MYO19: variants seen among roughly 807,000 people sequenced by gnomAD.
MYO19 encodes the protein myosin XIX.
Under a neutral mutation model 129.2 loss-of-function variants are expected in MYO19, and 132 were observed. The ratio of observed to expected loss-of-function variants is 1.02; its 90% CI spans 0.89 to 1.18. The LOEUF is 1.18. Among genes scored for constraint, MYO19 ranks in the 50% most tolerant of loss-of-function variants. The pLI, the probability that MYO19 is intolerant of heterozygous loss-of-function variation, is 0.00. For synonymous variants in MYO19, 531 were observed against 477.2 expected (o/e 1.11, Z -1.47); for missense variants, 1,210 against 1,216.7 (o/e 0.99, Z 0.08).
At chr17:36,535,882 G>C (rs1253554510), upstream of MYO19, among the ~76,000 whole-genome samples, 1 of 151,502 alleles carries the variant, frequency 6.6e-6, no homozygotes, top group African/African-American at 2.4e-5. Flanking sequence ...CAAAGCGCTA[G>C]GATTGCAGGC....
In MYO19 at chr17:36,495,853, A is replaced by G. The variant is rs1012990234; in HGVS notation, c.*398T>C. 14 of 1,240,984 alleles carry G rather than the reference A, an allele frequency of 1.1e-5. No homozygotes were observed. The African/African-American group carries it at 2.0e-4, about 18-fold the overall frequency. The allele number at this position is 1,240,984 out of a possible 1,614,324, so 76.9% of individuals were successfully genotyped here. ...GTTCCTTTTTAAAGGAAATAACCACAAGATTTTTCCCAGCCCAAATTCCAG... is the reference window on the plus strand; with the variant it reads ...GTTCCTTTTTAAAGGAAATAACCACGAGATTTTTCCCAGCCCAAATTCCAG... On this transcript the variant is annotated 3_prime_UTR_variant, in exon 26 of 26. Coordinates refer to ENST00000614623, the MANE Select transcript of MYO19 (RefSeq NM_001163735.2).
At chr17:36,502,180 G>C (rs1480429467) in intron 21 of MYO19, among the ~76,000 whole-genome samples, 1 of 152,170 alleles carries the variant, frequency 6.6e-6, no homozygotes, top group African/African-American at 2.4e-5. Context: ...TCCTTGGCCT[G>C]TTCTCCCTCT....
intron 20 of MYO19, 71 bp from the exon 21 acceptor site, chr17:36,503,271 C>T (rs79134714): frequency 0.03 from 36,494 of 1,235,146 alleles, 717 homozygotes; most frequent in Non-Finnish European, 0.037. Flanking sequence ...CAGGGCTCAT[C>T]AGAAGTTATT....
intron 2 of MYO19, among the ~76,000 whole-genome samples, chr17:36,540,354 C>T (rs1350243905): frequency 3.3e-5 from 5 of 150,678 alleles, no homozygotes; most frequent in South Asian, 2.1e-4. Flanking sequence ...CCTATAATGA[C>T]GTTTAATATT....
chr17:36,513,463 C>G lies in MYO19; in HGVS notation c.860G>C (p.Gly287Ala). ...EVTREAMLHLGIDTPTQNNIF... is the reference protein window; with the variant it reads ...EVTREAMLHLAIDTPTQNNIF... ...GTTGTTCTGGGTAGGGGTGTCAATG[C>G]CCAAATGGAGCATGGCCTCTCTGGT... The change falls in exon 11 of 26, where the codon GGC becomes GCC. Residue 287 changes from glycine to alanine, a missense_variant. Gly to Ala is a moderately conservative substitution (Grantham distance 60). Coordinates refer to ENST00000614623, the MANE Select transcript of MYO19 (RefSeq NM_001163735.2). The G allele has an allele frequency of 6.2e-7, 1 of 1,613,960 alleles. No homozygotes were observed. Among genetic ancestry groups the G allele is most frequent in the East Asian group, 2.2e-5 (1 of 44,880 alleles).
At chr17:36,498,937 G>A (rs946116742) in intron 24 of MYO19, 138 bp downstream of exon 24, 1 of 670,622 alleles carries the variant, frequency 1.5e-6, no homozygotes, top group East Asian at 2.8e-5. Context: ...CATACATGAG[G>A]AATATGAGGC....
chr17:36,541,276 A>T (rs1027010951), intron 2 of MYO19, among the ~76,000 whole-genome samples: 2 of 152,048 alleles, frequency 1.3e-5, no homozygotes, highest in African/African-American at 2.4e-5. Context: ...TAAACTGGGG[A>T]TGTCTACTAC....
intron 7 of MYO19, 104 bp downstream of exon 7, chr17:36,515,754 C>A: frequency 7.6e-7 from 1 of 1,312,604 alleles, no homozygotes; most frequent in Non-Finnish European, 1.0e-6. Flanking sequence ...TCATCCTCCA[C>A]CCCCACCCAA....
intron 6 of MYO19, among the ~76,000 whole-genome samples, chr17:36,516,237 GT>G (rs142292185): frequency 0.087 from 13,154 of 151,912 alleles, 1,086 homozygotes; most frequent in African/African-American, 0.21. Context: ...TTCTGTGTAT[GT>G]TTTTTTTGCA....
intron 3 of MYO19, among the ~76,000 whole-genome samples, chr17:36,529,743 A>C (rs1234924271): frequency 1.3e-5 from 2 of 152,170 alleles, no homozygotes; most frequent in Admixed American, 6.5e-5. Context: ...ACCATTCACA[A>C]ACACAGACAC....
chr17:36,540,262 G>C (rs889919181), intron 2 of MYO19, among the ~76,000 whole-genome samples: 1 of 152,062 alleles, frequency 6.6e-6, no homozygotes, highest in African/African-American at 2.4e-5. Context: ...GGTTGCCCAG[G>C]CTGGTCTCAA....
At chr17:36,527,761 A>T in intron 4 of MYO19, 62 bp from the exon 5 acceptor site, 1 of 1,528,924 alleles carries the variant, frequency 6.5e-7, no homozygotes, top group Non-Finnish European at 8.9e-7. Flanking sequence ...ACACACAGAC[A>T]CACATCTACT....
intron 23 of MYO19, 175 bp downstream of exon 23, chr17:36,500,655 G>A (rs1310653506): frequency 5.7e-6 from 5 of 874,352 alleles, no homozygotes; most frequent in Non-Finnish European, 8.5e-6. Flanking sequence ...CCATTGAACT[G>A]GAGAGACGTT....
intron 6 of MYO19, among the ~76,000 whole-genome samples, chr17:36,523,005 CA>C (rs35950584): frequency 1.3e-4 from 11 of 85,402 alleles, no homozygotes; most frequent in Non-Finnish European, 1.2e-4. Context: ...GACTCCGTCT[CA>C]AAAAAAAAAA....
At chr17:36,516,750 T>C (rs2072778318) in intron 6 of MYO19, among the ~76,000 whole-genome samples, 1 of 152,264 alleles carries the variant, frequency 6.6e-6, no homozygotes, top group Non-Finnish European at 1.5e-5. Flanking sequence ...TAATTGTTTG[T>C]GGCTAGGACA....
At chr17:36,518,487 A>AG (rs1567769782) in intron 6 of MYO19, among the ~76,000 whole-genome samples, 8 of 68,770 alleles carry the variant, frequency 1.2e-4, no homozygotes, top group African/African-American at 3.7e-4. Flanking sequence ...AGGATCTCAG[A>AG]GGAAAAAAAA....
At position 36,507,426 on chromosome 17, in the gene MYO19, G is replaced by GT. The variant is rs747846311; in HGVS notation, c.1439_1440insA (p.Ile481HisfsTer9). The GT allele has an allele frequency of 5.0e-6, 8 of 1,613,500 alleles. No homozygotes were observed. In the Admixed American group the frequency reaches 1.2e-4, roughly 24 times the overall value. On this transcript the variant is annotated frameshift_variant, in exon 16 of 26. Coordinates refer to ENST00000614623, the MANE Select transcript of MYO19 (RefSeq NM_001163735.2). LOFTEE classifies it high-confidence loss of function. The stretch of plus-strand genomic sequence containing the variant: ...CATTTATGAGGGAGCAGATGCTGAT[G>GT]GGGCTTCCCTCAATGAGATCCAAAC...
At chr17:36,520,344 G>C (rs1019435873) in intron 6 of MYO19, among the ~76,000 whole-genome samples, 16 of 152,052 alleles carry the variant, frequency 1.1e-4, no homozygotes, top group African/African-American at 3.9e-4. Flanking sequence ...TGTTTTCTTT[G>C]TATTCATTCT....
At position 36,507,128 on chromosome 17, in the gene MYO19, G is replaced by A. The variant is rs1437723707; in HGVS notation, c.1479C>T (p.Leu493=). 6.2e-7 allele frequency: 1 copy of A among 1,602,270 alleles called. No individual in the cohort carries two copies. Among genetic ancestry groups the A allele is most frequent in the African/African-American group, 1.3e-5 (1 of 74,784 alleles). Residue 493 remains leucine (L), a synonymous_variant, in exon 17 of 26, where the codon CTC becomes CTT. Transcript: ENST00000614623. ...GCTGGGCTGCGCTGCTGGGTCGATT[G>A]AGGCGGCATTCCTGTGGGATGGGAA... ...ICSLINEECR[L]NRPSSAAQLQ...
Sources: gnomAD v4.1 joint callset for allele counts (sites outside exome capture counted in the v4.1 genomes callset) on GRCh38, gnomAD v4.1.1 for gene constraint, MANE v1.5 for transcripts, NCBI Gene and HGNC (gene_info 2026-07-23, HGNC 2026-07-21) for gene names.